Variants in PNISR observed in about 807,000 individuals in gnomAD.
PNISR encodes arginine/serine-rich protein PNISR.
In PNISR, 20 loss-of-function variants were observed where a neutral mutation model predicts 93.4. The observed-to-expected ratio is 0.21, with a 90% CI of 0.15 to 0.31. The LOEUF is 0.31. PNISR is among the 10% of genes least tolerant of loss of function. The pLI is 1.00. For synonymous variants in PNISR, 305 were observed against 306.5 expected, an observed-to-expected ratio of 0.99 and a Z score of 0.05; for missense variants, 893 against 985.4, an observed-to-expected ratio of 0.91 and a Z score of 1.25.
Position 99,400,612 on chromosome 6 carries a change from T to C in PNISR, c.2346A>G (p.Arg782=). ...CAGACCTTTGAGATTTCTCCACGGA[T>C]CGCGATCGACTATGTTTAGGCTTCT... ...KAKKPKHSRS[R]SVEKSQRSGK... Residue 782 remains arginine (R), a synonymous_variant, in exon 12 of 12, where the codon CGA becomes CGG. Transcript: ENST00000369239. 6.2e-7 allele frequency: 1 copy of C among 1,614,136 alleles called. No individual in the cohort carries two copies. Among genetic ancestry groups the C allele is most frequent in the Non-Finnish European group, 8.5e-7 (1 of 1,180,014 alleles).
At chr6:99,409,123 A>AT (rs748556447) in intron 6 of PNISR, 50 bp downstream of exon 6, 17 of 1,418,608 alleles carry the variant, frequency 1.2e-5, no homozygotes, top group Non-Finnish European at 1.5e-5. Flanking sequence ...TTTTTATATG[A>AT]TAAAAAAGTC....
intron 8 of PNISR, among the ~76,000 whole-genome samples, chr6:99,404,940 A>G (rs1413498474): frequency 6.6e-6 from 1 of 151,966 alleles, no homozygotes; most frequent in Non-Finnish European, 1.5e-5. Flanking sequence ...CACCACACCC[A>G]GCTAATTTTT....
intron 5 of PNISR, chr6:99,410,137 C>T (rs183848716): frequency 6.6e-6 from 1 of 152,284 alleles, no homozygotes. Context: ...CAAAATGACA[C>T]CTAGCACTAT....
rs145513096 is a variant in PNISR at position 99,421,384 on chromosome 6, TGTGA to T, written c.-112+3827_-112+3830del. ...CACTGAAGTCCTAACTCCTGATACT[TGTGA>T]GTATCAAGTGATACTTGTGAGTATG... On this transcript the variant is annotated intron_variant, in intron 1 of 11. Transcript: ENST00000369239. 4.9e-3 allele frequency among the ~76,000 whole-genome samples: 739 copies of T among 152,288 alleles called. 11 individuals carry two copies. The highest frequency in any genetic ancestry group is 0.017 in the African/African-American group (703 of 41,558).
chr6:99,408,201 C>A lies in PNISR; in HGVS notation c.744G>T (p.Gln248His). 3 of 1,613,334 alleles carry A rather than the reference C, an allele frequency of 1.9e-6. No homozygotes were observed. The highest frequency in any genetic ancestry group is 1.7e-6 in the Non-Finnish European group (2 of 1,179,510). Reference sequence around the variant, plus strand: ...CCATTCTTTCTTTCTCCAATTTCTTCTGCTTTTCACGTTCCATTTTTTCAA... The same window carrying A: ...CCATTCTTTCTTTCTCCAATTTCTTATGCTTTTCACGTTCCATTTTTTCAA... The part of the protein sequence containing the change: ...EGLEKMEREK[Q>H]KKLEKERMEQ... The change falls in exon 7 of 12, where the codon CAG becomes CAT. Residue 248 changes from glutamine (Q) to histidine (H), a missense_variant. Gln to His is a conservative substitution (Grantham distance 24, BLOSUM62 0). This residue lies in a region of PNISR where 866 missense variants were observed against 935.1 expected (regional missense o/e 0.93). Transcript: ENST00000369239.
At chr6:99,411,384 C>T (rs1433663096) in intron 4 of PNISR, among the ~76,000 whole-genome samples, 1 of 152,030 alleles carries the variant, frequency 6.6e-6, no homozygotes, top group Non-Finnish European at 1.5e-5. Flanking sequence ...TTGCCAATTT[C>T]GGGAGGGAAA....
Position 99,404,597 on chromosome 6 carries a change from A to T in PNISR, c.1102+6T>A. 1 of 1,526,892 alleles carries T rather than the reference A, an allele frequency of 6.5e-7. No individual in the cohort carries two copies. Among genetic ancestry groups the T allele is most frequent in the Non-Finnish European group, 9.1e-7 (1 of 1,100,652 alleles). The allele number at this position is 1,526,892 out of a possible 1,614,324, so 94.6% of individuals were successfully genotyped here. On this transcript the variant is annotated splice_donor_region_variant and intron_variant, in intron 9 of 11. Transcript: ENST00000369239. ...GAAAAGCAAAACCAGAAACACCAAA[A>T]TATACCTTTCGTTGCTTTGCGGTGT... is the stretch of plus-strand genomic sequence containing the variant.
chr6:99,421,261 G>C (rs1333704511), intron 1 of PNISR, among the ~76,000 whole-genome samples: 2 of 152,104 alleles, frequency 1.3e-5, no homozygotes, highest in Non-Finnish European at 2.9e-5. Flanking sequence ...ACCAAGGTTT[G>C]TATCAGATCA....
intron 8 of PNISR, among the ~76,000 whole-genome samples, chr6:99,405,741 G>A (rs564234673): frequency 1.3e-5 from 2 of 152,028 alleles, no homozygotes; most frequent in South Asian, 4.1e-4. Context: ...ATTTTTTGTA[G>A]AGACAAGGTC....
intron 11 of PNISR, 136 bp downstream of exon 11, chr6:99,402,404 G>A (rs1775616271): frequency 1.6e-6 from 1 of 621,976 alleles, no homozygotes; most frequent in Non-Finnish European, 2.4e-6. Context: ...AACAAAAATT[G>A]TGACTTTAGT....
chr6:99,408,586 T>A (rs1309272472), intron 6 of PNISR, among the ~76,000 whole-genome samples: 1 of 152,194 alleles, frequency 6.6e-6, no homozygotes, highest in Non-Finnish European at 1.5e-5. Context: ...AGGAGTAAAG[T>A]TAGAATCTTC....
chr6:99,412,346 C>T (rs776607027), intron 4 of PNISR: 1 of 677,836 alleles, frequency 1.5e-6, no homozygotes, highest in Non-Finnish European at 2.7e-6. Context: ...AGAAAAGAAT[C>T]AAACTGAGTG....
intron 5 of PNISR, chr6:99,409,605 T>G (rs995457557): frequency 3.2e-6 from 1 of 314,818 alleles, no homozygotes; most frequent in Non-Finnish European, 5.9e-6. Flanking sequence ...AATTTTTCAT[T>G]CTGAATCCAT....
intron 9 of PNISR, chr6:99,404,333 T>A: frequency 2.3e-6 from 1 of 439,808 alleles, no homozygotes; most frequent in South Asian, 2.3e-5. Context: ...AAAAATCAGG[T>A]GAAATAAACT....
intron 8 of PNISR, 56 bp downstream of exon 8, chr6:99,405,973 CAA>C (rs11309252): frequency 1.5e-6 from 2 of 1,292,796 alleles, no homozygotes; most frequent in African/African-American, 1.5e-5. Context: ...ATATTGTCTC[CAA>C]AAAAAATTGC....
At chr6:99,412,041 A>C (rs916057813) in intron 4 of PNISR, 12 of 312,566 alleles carry the variant, frequency 3.8e-5, no homozygotes, top group Admixed American at 8.0e-5. Context: ...GTGAAATAAA[A>C]CAAACAAAAA....
In PNISR at chr6:99,400,201, G is replaced by A; in HGVS notation, c.*339C>T. The A allele has an allele frequency of 6.8e-6, 2 of 292,376 alleles. No homozygotes were observed. Among genetic ancestry groups the A allele is most frequent in the Non-Finnish European group, 1.0e-5 (2 of 192,844 alleles). 18.1% of individuals were successfully genotyped at this position (292,376 alleles called of 1,614,324 possible). ...CTGGTTTCACCTACACAGCCACAAT[G>A]TGCCTCTATAATGAGACAAGCCCTT... On this transcript the variant is annotated 3_prime_UTR_variant, in exon 12 of 12. Coordinates refer to ENST00000369239, the MANE Select transcript of PNISR (RefSeq NM_032870.4).
intron 2 of PNISR, chr6:99,415,074 T>G (rs1363627144): frequency 6.6e-6 from 1 of 152,158 alleles, no homozygotes; most frequent in Non-Finnish European, 1.5e-5. Flanking sequence ...TGAAGAAAAA[T>G]TTTTCCTTAT....
Position 99,412,348 on chromosome 6 carries a change from A to C in PNISR, c.277+203T>G, listed in dbSNP as rs1030574159. 4 of 680,462 alleles carry C rather than the reference A, an allele frequency of 5.9e-6. No homozygotes were observed. In the African/African-American group the frequency reaches 7.0e-5, roughly 12 times the overall value. 42.2% of individuals were successfully genotyped at this position (680,462 alleles called of 1,614,324 possible). A position where few individuals can be genotyped will look rare whatever the true frequency, so the allele number is the denominator to read the frequency against. The stretch of plus-strand genomic sequence containing the variant: ...GAATGAAGAACCAAGAAAAGAATCA[A>C]ACTGAGTGCCACAAAGCTAGCAGAA... On this transcript the variant is annotated intron_variant, in intron 4 of 11. Transcript: ENST00000369239.
Sources: gnomAD v4.1 joint callset for allele counts (sites outside exome capture counted in the v4.1 genomes callset) on GRCh38, gnomAD v4.1.1 for gene constraint, gnomAD v4.1.1 regional missense constraint, MANE v1.5 for transcripts, NCBI Gene and HGNC (gene_info 2026-07-23, HGNC 2026-07-21) for gene names.